The following RNF157 variants were observed in gnomAD, a reference collection of about 807,000 sequenced individuals.
RNF157 encodes E3 ubiquitin ligase RNF157.
In RNF157, 55 loss-of-function variants were observed where a neutral mutation model predicts 88.3. That is an observed-to-expected ratio of 0.62 (90% confidence interval 0.50 to 0.78). The LOEUF is 0.78. Ranked by LOEUF, RNF157 falls within the 30% of genes least tolerant of loss-of-function variation. The pLI is 0.00. For missense variants in RNF157, 788 were observed against 860.8 expected, an observed-to-expected ratio of 0.92 and a Z score of 1.06; for synonymous variants, 334 against 341.2, an observed-to-expected ratio of 0.98 and a Z score of 0.23.
At chr17:76,218,627 A>C (rs1006328383) in intron 1 of RNF157, among the ~76,000 whole-genome samples, 3 of 150,744 alleles carry the variant, frequency 2.0e-5, no homozygotes, top group Non-Finnish European at 4.4e-5. Flanking sequence ...ACAGAGTGAG[A>C]CTCTGTCTCA....
intron 13 of RNF157, among the ~76,000 whole-genome samples, chr17:76,156,923 G>C (rs1051931118): frequency 6.6e-6 from 1 of 151,314 alleles, no homozygotes; most frequent in Non-Finnish European, 1.5e-5. Context: ...CCCTCCAGGC[G>C]CTCCTCTTTT....
intron 1 of RNF157, among the ~76,000 whole-genome samples, chr17:76,235,199 C>CTTT (rs537829366): frequency 7.1e-6 from 1 of 141,308 alleles, no homozygotes; most frequent in Non-Finnish European, 1.5e-5. Flanking sequence ...TAGTAGGTTA[C>CTTT]TTTTTTTTTT....
Position 76,161,743 on chromosome 17 carries a change from C to A in RNF157, c.953-96G>T. 2 of 1,534,688 alleles carry A rather than the reference C, an allele frequency of 1.3e-6. No homozygotes were observed. The highest frequency in any genetic ancestry group is 2.3e-5 in the South Asian group (2 of 85,676). On this transcript the variant is annotated intron_variant, in intron 10 of 18. Transcript: ENST00000269391. This position sits in a 1 kb window ranked among gnomAD's most constrained non-coding sequence, Gnocchi z 4.6. ...AACCATGATCCCTCCCAGCGCGCAT[C>A]CGTTTGTCAGATCCAGCAGCAGCAC...
chr17:76,171,328 A>G (rs1022790625), intron 3 of RNF157, among the ~76,000 whole-genome samples: 9 of 152,174 alleles, frequency 5.9e-5, no homozygotes, highest in African/African-American at 2.2e-4. Context: ...AGCTAGGATT[A>G]CAGATGCGTG....
At position 76,161,933 on chromosome 17, in the gene RNF157, A is replaced by C. The variant is rs751550375; in HGVS notation, c.862T>G (p.Leu288Val). 4 of 1,614,224 alleles carry C rather than the reference A, an allele frequency of 2.5e-6. No individual in the cohort carries two copies. ...VVCLSDVRDT[L>V]ILPCRHLCLC... Reference sequence around the variant, plus strand: ...CAGAGGTGGCGACAGGGCAGAATCAAGGTGTCCCGGACATCCGAGAGACAC... The same window carrying C: ...CAGAGGTGGCGACAGGGCAGAATCACGGTGTCCCGGACATCCGAGAGACAC... The change falls in exon 10 of 19, where the codon TTG becomes GTG. Residue 288 changes from leucine to valine, a missense_variant. By Grantham distance (32) the Leu-to-Val change is conservative. Transcript: ENST00000269391. This position sits in a 1 kb window ranked among gnomAD's most constrained non-coding sequence, Gnocchi z 4.6.
chr17:76,222,445 T>C (rs1405870928), intron 1 of RNF157, among the ~76,000 whole-genome samples: 3 of 152,188 alleles, frequency 2.0e-5, no homozygotes, highest in African/African-American at 4.8e-5. Flanking sequence ...GATAATTTTA[T>C]GTTACGTGAA....
chr17:76,211,130 T>C (rs1341104808), intron 2 of RNF157, among the ~76,000 whole-genome samples: 2 of 152,206 alleles, frequency 1.3e-5, no homozygotes, highest in African/African-American at 4.8e-5. Flanking sequence ...GCCAGACTGG[T>C]TTCCTTATTT....
At chr17:76,226,750 G>A in intron 1 of RNF157, 1 of 1,596,508 alleles carries the variant, frequency 6.3e-7, no homozygotes, top group Admixed American at 1.7e-5. Flanking sequence ...ACTGGTCGAA[G>A]GGGGACATCA....
In RNF157 at chr17:76,195,142, A is replaced by G. The variant is rs557365585; in HGVS notation, c.207+17222T>C. Among the ~76,000 whole-genome samples the G allele has an allele frequency of 1.2e-4, 19 of 152,350 alleles. No homozygotes were observed. Among genetic ancestry groups the G allele is most frequent in the Non-Finnish European group, 1.8e-4 (12 of 68,038 alleles). ...AGAACAGAAAGGGCCGAAATCCCAA[A>G]TGGCAGAAACATATTCATGTCACAG... On this transcript the variant is annotated intron_variant, in intron 2 of 18. Coordinates refer to ENST00000269391, the MANE Select transcript of RNF157 (RefSeq NM_052916.3). The surrounding 1 kb of genome is among the most constrained non-coding windows in gnomAD (Gnocchi z 4.4).
intron 16 of RNF157, among the ~76,000 whole-genome samples, chr17:76,154,944 G>A (rs2144812558): frequency 6.6e-6 from 1 of 152,326 alleles, no homozygotes; most frequent in African/African-American, 2.4e-5. Context: ...AGTCCTCCAT[G>A]TAAATACTAG....
intron 2 of RNF157, among the ~76,000 whole-genome samples, chr17:76,201,928 C>T (rs1183883348): frequency 6.6e-6 from 1 of 152,004 alleles, no homozygotes; most frequent in Non-Finnish European, 1.5e-5. Flanking sequence ...TCATTTCACA[C>T]TCTTCAAAAT....
At chr17:76,185,408 GAC>G (rs2069264245) in intron 2 of RNF157, among the ~76,000 whole-genome samples, 2 of 152,002 alleles carry the variant, frequency 1.3e-5, no homozygotes, top group Admixed American at 1.3e-4. Flanking sequence ...TAATAAAGCA[GAC>G]ACAGTCATCT....
chr17:76,232,300 A>C (rs2070206412), intron 1 of RNF157, among the ~76,000 whole-genome samples: 2 of 152,052 alleles, frequency 1.3e-5, no homozygotes, highest in African/African-American at 4.8e-5. Context: ...AGGCTGGAGG[A>C]GTGCCTGAGC....
intron 1 of RNF157, among the ~76,000 whole-genome samples, chr17:76,233,048 G>A (rs1257673316): frequency 2.6e-5 from 4 of 152,042 alleles, no homozygotes; most frequent in African/African-American, 7.2e-5. Context: ...AGCCTCCTGA[G>A]TAGCTGTGAC....
chr17:76,185,539 G>A (rs1047239677), intron 2 of RNF157, among the ~76,000 whole-genome samples: 4 of 148,860 alleles, frequency 2.7e-5, no homozygotes, highest in African/African-American at 5.1e-5. Flanking sequence ...GCGCGATCTC[G>A]GCTCACTGCA....
At position 76,167,230 on chromosome 17, in the gene RNF157, C is replaced by T. The variant is rs540716417; in HGVS notation, c.444-104G>A. On this transcript the variant is annotated intron_variant, in intron 4 of 18. Coordinates refer to ENST00000269391, the MANE Select transcript of RNF157 (RefSeq NM_052916.3). ...GTTCTCAATTATCAACAGGGTCTAG[C>T]GAAGAGAAGAAAGGGTCCTTTATAA... The T allele has an allele frequency of 2.5e-4, 211 of 852,580 alleles. 2 individuals are homozygous for T. The South Asian group carries it at 2.5e-3, about 10-fold the overall frequency. 52.8% of individuals were successfully genotyped at this position (852,580 alleles called of 1,614,324 possible).
At chr17:76,230,876 G>A (rs1225886212) in intron 1 of RNF157, among the ~76,000 whole-genome samples, 2 of 103,820 alleles carry the variant, frequency 1.9e-5, no homozygotes, top group African/African-American at 1.0e-4. Context: ...GAGAGAGAGA[G>A]AGAAAGAGAA....
chr17:76,155,034 C>T (rs74703313), intron 16 of RNF157, among the ~76,000 whole-genome samples: 199 of 152,358 alleles, frequency 1.3e-3, no homozygotes, highest in Middle Eastern at 3.4e-3. Context: ...CACCAGTGAC[C>T]CTGGGAACCA....
At chr17:76,155,102 C>G (rs1240636362) in intron 16 of RNF157, 150 bp downstream of exon 16, 1 of 701,430 alleles carries the variant, frequency 1.4e-6, no homozygotes, top group Non-Finnish European at 2.5e-6. Context: ...CATCTCTACC[C>G]ACATTCCACT....
Sources: gnomAD v4.1 joint callset for allele counts (sites outside exome capture counted in the v4.1 genomes callset) on GRCh38, gnomAD v4.1.1 for gene constraint, Gnocchi (gnomAD v3.1) non-coding constraint, MANE v1.5 for transcripts, NCBI Gene and HGNC (gene_info 2026-07-23, HGNC 2026-07-21) for gene names.